TTF1: variants seen among roughly 807,000 people sequenced by gnomAD.
The protein encoded by TTF1 is transcription termination factor 1, also known as transcription termination factor, RNA polymerase I.
A neutral mutation model predicts 80.2 loss-of-function variants in TTF1; 64 were observed. The ratio of observed to expected loss-of-function variants is 0.80; its 90% CI spans 0.65 to 0.98. The LOEUF (loss-of-function observed/expected upper bound fraction) is 0.98. TTF1 is among the 50% of genes least tolerant of loss of function. The pLI, the probability that TTF1 is intolerant of heterozygous loss-of-function variation, is 0.00. For synonymous variants in TTF1, 372 were observed against 382.7 expected (o/e 0.97, Z 0.33); for missense variants, 1,023 against 1,086.2 (o/e 0.94, Z 0.82).
chr9:132,387,898 T>C (rs1235536063), intron 8 of TTF1, among the ~76,000 whole-genome samples: 1 of 152,222 alleles, frequency 6.6e-6, no homozygotes, highest in Non-Finnish European at 1.5e-5. Context: ...TCACACGTTA[T>C]TTTCTTTTAT....
intron 5 of TTF1, among the ~76,000 whole-genome samples, chr9:132,394,338 G>A (rs1226917872): frequency 6.6e-6 from 1 of 151,308 alleles, no homozygotes; most frequent in Non-Finnish European, 1.5e-5. Context: ...GGAGTGCAGT[G>A]GCGCAATCTC....
chr9:132,390,704 AG>A lies in TTF1; in HGVS notation c.2114del (p.Pro705LeufsTer19). 1 of 1,614,242 alleles carries A rather than the reference AG, an allele frequency of 6.2e-7. No individual in the cohort carries two copies. Among genetic ancestry groups the A allele is most frequent in the South Asian group, 1.1e-5 (1 of 91,086 alleles). On this transcript the variant is annotated frameshift_variant, in exon 7 of 11. Coordinates refer to ENST00000334270, the MANE Select transcript of TTF1 (RefSeq NM_007344.4). LOFTEE classifies it high-confidence loss of function. ...KEVDSKLQEN[P>X]ESCLSIVREK... The stretch of plus-strand genomic sequence containing the variant: ...CCCGAACAATTGATAGGCAACTTTC[AG>A]GATTTTCTTGGAGTTTGGAATCCAC...
intron 9 of TTF1, 38 bp downstream of exon 9, chr9:132,386,518 A>G (rs375403741): frequency 1.6e-5 from 23 of 1,465,658 alleles, no homozygotes; most frequent in African/African-American, 8.4e-5. Context: ...AGTCATCTCT[A>G]TATTTTAATT....
intron 1 of TTF1, 68 bp downstream of exon 1, chr9:132,406,722 C>A (rs1361132283): frequency 6.6e-6 from 1 of 152,132 alleles, no homozygotes; most frequent in East Asian, 1.9e-4. Flanking sequence ...GGGAAACCCA[C>A]CACCCCACGC....
chr9:132,399,318 G>A (rs1256911455), intron 3 of TTF1, among the ~76,000 whole-genome samples: 1 of 151,750 alleles, frequency 6.6e-6, no homozygotes, highest in Non-Finnish European at 1.5e-5. Context: ...TACGTGGGTA[G>A]TGCTGTCTTT....
At chr9:132,385,448 G>C (rs1237125581) in intron 9 of TTF1, among the ~76,000 whole-genome samples, 1 of 152,156 alleles carries the variant, frequency 6.6e-6, no homozygotes, top group Non-Finnish European at 1.5e-5. Context: ...TGAGGCGTGG[G>C]AGTCTGGCCT....
intron 8 of TTF1, among the ~76,000 whole-genome samples, chr9:132,387,040 C>T (rs1057236247): frequency 7.2e-5 from 11 of 152,178 alleles, no homozygotes; most frequent in African/African-American, 2.7e-4. Flanking sequence ...TCACTGCAGC[C>T]TCGACCACCT....
At chr9:132,378,947 C>A (rs1849316224) in intron 10 of TTF1, 112 bp downstream of exon 10, 2 of 707,464 alleles carry the variant, frequency 2.8e-6, no homozygotes, top group Non-Finnish European at 4.6e-6. Context: ...CACCATTTTG[C>A]AGCTGATGAA....
Position 132,402,807 on chromosome 9 carries a change from T to C in TTF1, c.15A>G (p.Ser5=). The change falls in exon 2 of 11, where the codon TCA becomes TCG. Residue 5 remains serine, a synonymous_variant. Transcript: ENST00000334270. Reference sequence around the variant, plus strand: ...CTGGAGTGTGGATTTCAAATCTGCTTGATTCTCCTTCCATTTTATTCCTAT... The same window carrying C: ...CTGGAGTGTGGATTTCAAATCTGCTCGATTCTCCTTCCATTTTATTCCTAT... MEGE[S]SRFEIHTPVS... is the part of the protein sequence containing the mutation. 1 of 1,578,356 alleles carries C rather than the reference T, an allele frequency of 6.3e-7. No homozygotes were observed. The highest frequency in any genetic ancestry group is 8.6e-7 in the Non-Finnish European group (1 of 1,167,820).
intron 4 of TTF1, among the ~76,000 whole-genome samples, chr9:132,397,617 G>A (rs1849675392): frequency 6.6e-6 from 1 of 152,140 alleles, no homozygotes; most frequent in African/African-American, 2.4e-5. Flanking sequence ...GGTAAAAGTT[G>A]ATCATTTAAT....
At chr9:132,377,652 G>GT (rs1849238649) in intron 10 of TTF1, among the ~76,000 whole-genome samples, 1 of 8,450 alleles carries the variant, frequency 1.2e-4, no homozygotes, top group South Asian at 5.6e-3. Context: ...GAATGCATGT[G>GT]GTGTGTGTGA....
chr9:132,401,483 C>A lies in TTF1; in HGVS notation c.1339G>T (p.Ala447Ser), dbSNP rs757038708. Residue 447 changes from alanine (A) to serine (S), a missense_variant, in exon 2 of 11, where the codon GCA becomes TCA. Physicochemically the swap from Ala to Ser is moderately conservative, Grantham distance 99. Coordinates refer to ENST00000334270, the MANE Select transcript of TTF1 (RefSeq NM_007344.4). The stretch of plus-strand genomic sequence containing the variant: ...GGCGCCTCTTGCACGTGCTTGCTTG[C>A]CAAACAGGCCTGGGTTTTCTTTTGT... ...PRQKKTQACL[A>S]SKHVQEAPRL... is the part of the protein sequence containing the mutation. 1 of 1,612,298 alleles carries A rather than the reference C, an allele frequency of 6.2e-7. No homozygotes were observed. The highest frequency in any genetic ancestry group is 1.1e-5 in the South Asian group (1 of 91,000).
chr9:132,378,783 AGT>A (rs991601546), intron 10 of TTF1, among the ~76,000 whole-genome samples: 5 of 151,688 alleles, frequency 3.3e-5, no homozygotes, highest in African/African-American at 1.2e-4. Flanking sequence ...TGTGTGCACG[AGT>A]GTGTGTGTGT....
In TTF1 at chr9:132,401,924, C is replaced by G. The variant is rs756398415; in HGVS notation, c.898G>C (p.Gly300Arg). 1 of 1,611,144 alleles carries G rather than the reference C, an allele frequency of 6.2e-7. No individual in the cohort carries two copies. Among genetic ancestry groups the G allele is most frequent in the Non-Finnish European group, 8.5e-7 (1 of 1,178,796 alleles). Residue 300 changes from glycine (G) to arginine (R), a missense_variant, in exon 2 of 11, where the codon GGC becomes CGC. Physicochemically the swap from Gly to Arg is moderately radical, Grantham distance 125. Coordinates refer to ENST00000334270, the MANE Select transcript of TTF1 (RefSeq NM_007344.4). ...ALAMPEGSQV[G>R]SEVGADMQES... is the part of the protein sequence containing the mutation. ...TGCATATCAGCCCCAACCTCACTGC[C>G]CACTTGTGATCCTTCAGGCATGGCC...
intron 5 of TTF1, among the ~76,000 whole-genome samples, chr9:132,393,269 G>GC (rs11448230): frequency 0.54 from 79,613 of 148,090 alleles, 21,895 homozygotes; most frequent in Non-Finnish European, 0.63. Context: ...TTGGGAGCAA[G>GC]CCCCCCCCGC....
chr9:132,395,100 G>T (rs777511907), intron 5 of TTF1, among the ~76,000 whole-genome samples: 1 of 152,028 alleles, frequency 6.6e-6, no homozygotes, highest in African/African-American at 2.4e-5. Context: ...GCTGAGACAG[G>T]AGAATTGCTT....
intron 4 of TTF1, 76 bp downstream of exon 4, chr9:132,398,065 T>A: frequency 1.5e-6 from 2 of 1,329,100 alleles, no homozygotes; most frequent in Non-Finnish European, 2.0e-6. Flanking sequence ...GGTACCGTGC[T>A]AACACTTACC....
chr9:132,378,432 G>T (rs1564182197), intron 10 of TTF1, among the ~76,000 whole-genome samples: 1 of 82,602 alleles, frequency 1.2e-5, no homozygotes, highest in Non-Finnish European at 2.3e-5. Flanking sequence ...TGCATGTGGT[G>T]TGTGAATGCA....
chr9:132,391,904 C>T lies in TTF1; in HGVS notation c.1987+172G>A, dbSNP rs1180858419. ...CTAGTGGGTAAAGGTCACATGGCTT[C>T]ACTAAACACACGAGGAAACCAAACA... On this transcript the variant is annotated intron_variant, in intron 6 of 10. Coordinates refer to ENST00000334270, the MANE Select transcript of TTF1 (RefSeq NM_007344.4). Among the ~76,000 whole-genome samples, 3 of 152,214 alleles carry T rather than the reference C, an allele frequency of 2.0e-5. No homozygotes were observed. The South Asian group carries it at 6.2e-4, about 31-fold the overall frequency.
Sources: allele counts gnomAD v4.1 joint callset (sites outside exome capture counted in the v4.1 genomes callset), GRCh38; gene constraint gnomAD v4.1.1; transcripts MANE v1.5; gene names NCBI Gene and HGNC (gene_info 2026-07-23, HGNC 2026-07-21).